Variants in FXYD3 observed in about 807,000 individuals in gnomAD.
The protein encoded by FXYD3 is FXYD domain containing ion transport regulator 3, also known as FXYD domain-containing ion transport regulator 3.
In FXYD3, 13 loss-of-function variants were observed where a neutral mutation model predicts 19.2. The ratio of observed to expected loss-of-function variants is 0.68; its 90% CI spans 0.44 to 1.08. FXYD3 has a LOEUF of 1.08. Among genes scored for constraint, FXYD3 ranks in the 50% least tolerant of loss-of-function variants. The pLI is 0.00. For synonymous variants in FXYD3, 48 were observed against 38.9 expected (o/e 1.23, Z -0.87); for missense variants, 101 against 109.4 (o/e 0.92, Z 0.34).
rs1242667452 is a variant in FXYD3, at chr19:35,124,077, C to T, written c.*620C>T. ...AAGATCTTTCCAAATACCCAAATGT[C>T]CCTGCAAGCCCGTTAAATAATTCCC... On this transcript the variant is annotated 3_prime_UTR_variant, in exon 9 of 9. Transcript: ENST00000604404. The T allele has an allele frequency of 6.5e-6, 1 of 154,952 alleles. No homozygotes were observed. Among genetic ancestry groups the T allele is most frequent in the Non-Finnish European group, 1.4e-5 (1 of 69,654 alleles). 9.6% of individuals were successfully genotyped at this position (154,952 alleles called of 1,614,324 possible). A position where few individuals can be genotyped will look rare whatever the true frequency, so the allele number is the denominator to read the frequency against.
chr19:35,123,165 T>A (rs752309175), intron 7 of FXYD3, 106 bp from the exon 8 acceptor site: 9 of 1,504,466 alleles, frequency 6.0e-6, no homozygotes, highest in Non-Finnish European at 8.0e-6. Flanking sequence ...ACCCCCCAAA[T>A]GGAAAGGCAG....
intron 5 of FXYD3, 104 bp from the exon 6 acceptor site, chr19:35,122,661 C>T: frequency 1.1e-6 from 1 of 917,798 alleles, no homozygotes; most frequent in Non-Finnish European, 1.7e-6. Flanking sequence ...GTGTCCCCAG[C>T]ACCCTGTGCA....
chr19:35,116,348 T>G lies in FXYD3; in HGVS notation c.-26T>G, dbSNP rs574131939. 2.0e-6 allele frequency: 2 copies of G among 985,496 alleles called. No individual in the cohort carries two copies. The highest frequency in any genetic ancestry group is 6.1e-5 in the Admixed American group (1 of 16,296). 61.0% of individuals were successfully genotyped at this position (985,496 alleles called of 1,614,324 possible). On this transcript the variant is annotated 5_prime_UTR_variant, in exon 2 of 9. Coordinates refer to ENST00000604404, the MANE Select transcript of FXYD3 (RefSeq NM_005971.4). ...CTCCCGGAACCTCTGCTCAGCCTGGTGAACCACACAGGTGAGCAGCTGGGG... is the reference window on the plus strand; with the variant it reads ...CTCCCGGAACCTCTGCTCAGCCTGGGGAACCACACAGGTGAGCAGCTGGGG...
chr19:35,119,513 A>G, intron 3 of FXYD3, 97 bp downstream of exon 3: 2 of 1,153,426 alleles, frequency 1.7e-6, no homozygotes, highest in Non-Finnish European at 2.6e-6. Flanking sequence ...CTCCCCGGGA[A>G]GGTGGTAAAT....
rs977176375 is a variant in FXYD3 at position 35,123,647 on chromosome 19, C to T, written c.*190C>T. ...TTTTTTTTAATCTAAAATGATTGTGCCTCTGCCCAAGCAGCCTGGAGACTT... is the reference window on the plus strand; with the variant it reads ...TTTTTTTTAATCTAAAATGATTGTGTCTCTGCCCAAGCAGCCTGGAGACTT... On this transcript the variant is annotated 3_prime_UTR_variant, in exon 9 of 9. Coordinates refer to ENST00000604404, the MANE Select transcript of FXYD3 (RefSeq NM_005971.4). The T allele has an allele frequency of 7.1e-5, 45 of 635,232 alleles. No homozygotes were observed. Among genetic ancestry groups the T allele is most frequent in the African/African-American group, 1.6e-4 (9 of 54,660 alleles). 39.3% of individuals were successfully genotyped at this position (635,232 alleles called of 1,614,324 possible). A position where few individuals can be genotyped will look rare whatever the true frequency, so the allele number is the denominator to read the frequency against.
chr19:35,116,579 G>A, intron 2 of FXYD3: 2 of 985,370 alleles, frequency 2.0e-6, no homozygotes, highest in East Asian at 1.1e-4. Flanking sequence ...AACCAGCTGA[G>A]GTGAGGGCAG....
rs1252217852 is a variant in FXYD3 at position 35,116,377 on chromosome 19, C to G, written c.-15+18C>G. The G allele has an allele frequency of 1.0e-6, 1 of 985,432 alleles. No homozygotes were observed. The highest frequency in any genetic ancestry group is 1.2e-6 in the Non-Finnish European group (1 of 830,008). The allele number at this position is 985,432 out of a possible 1,614,324, so 61.0% of individuals were successfully genotyped here. A position where few individuals can be genotyped will look rare whatever the true frequency, so the allele number is the denominator to read the frequency against. ...CCACACAGGTGAGCAGCTGGGGCCCCTTCCTCCAAGCCCTCCTTGTCTCTG... is the reference window on the plus strand; with the variant it reads ...CCACACAGGTGAGCAGCTGGGGCCCGTTCCTCCAAGCCCTCCTTGTCTCTG... On this transcript the variant is annotated intron_variant, in intron 2 of 8. Transcript: ENST00000604404.
intron 2 of FXYD3, chr19:35,116,824 G>A (rs891147176): frequency 3.0e-6 from 3 of 985,402 alleles, no homozygotes; most frequent in East Asian, 1.1e-4. Context: ...GGGTGGACTC[G>A]GGGTGTCCAG....
At chr19:35,121,385 CCA>C in intron 5 of FXYD3, 140 bp downstream of exon 5, 1 of 1,596,524 alleles carries the variant, frequency 6.3e-7, no homozygotes, top group South Asian at 1.1e-5. Flanking sequence ...ACTGAATATG[CCA>C]CACAGTGGAT....
intron 2 of FXYD3, chr19:35,117,129 C>CA: frequency 7.5e-7 from 1 of 1,326,942 alleles, no homozygotes; most frequent in Non-Finnish European, 9.6e-7. Flanking sequence ...ACCTGCTCAC[C>CA]AACCACATCA....
chr19:35,117,144 G>T (rs934749228), intron 2 of FXYD3: 2 of 1,341,810 alleles, frequency 1.5e-6, no homozygotes, highest in Non-Finnish European at 1.9e-6. Flanking sequence ...ACATCAGTTC[G>T]GGAGCAGCCC....
chr19:35,117,000 G>GA lies in FXYD3; in HGVS notation c.-15+642dup, dbSNP rs1227742295. 8 of 985,296 alleles carry GA rather than the reference G, an allele frequency of 8.1e-6. No homozygotes were observed. The African/African-American group carries it at 1.4e-4, about 17-fold the overall frequency. The allele number at this position is 985,296 out of a possible 1,614,324, so 61.0% of individuals were successfully genotyped here. On this transcript the variant is annotated intron_variant, in intron 2 of 8. Coordinates refer to ENST00000604404, the MANE Select transcript of FXYD3 (RefSeq NM_005971.4). ...CATTCTCCCATGGTATGGAGGAATA[G>GA]AGGGGATAGCAGAGGGCAGGTGGGG...
chr19:35,119,653 G>T (rs1600447631), intron 3 of FXYD3: 2 of 40,178 alleles, frequency 5.0e-5, no homozygotes, highest in Non-Finnish European at 1.2e-4. Flanking sequence ...CTTTTTTTTT[G>T]GCTTTTTTTG....
Position 35,121,203 on chromosome 19 carries a change from C to CT in FXYD3, c.74-13dup. The CT allele has an allele frequency of 6.2e-7, 1 of 1,614,108 alleles. No homozygotes were observed. Among genetic ancestry groups the CT allele is most frequent in the East Asian group, 2.2e-5 (1 of 44,882 alleles). On this transcript the variant is annotated intron_variant, in intron 4 of 8. Transcript: ENST00000604404. Reference sequence around the variant, plus strand: ...CTGGCTGTAATCCTGGATTCATGATCTTTTTTCTTTCCTTGCAGATAAAAA... The same window carrying CT: ...CTGGCTGTAATCCTGGATTCATGATCTTTTTTTCTTTCCTTGCAGATAAAAA...
chr19:35,116,641 G>A (rs1211816955), intron 2 of FXYD3: 1 of 985,132 alleles, frequency 1.0e-6, no homozygotes, highest in Admixed American at 6.2e-5. Context: ...GCATGGATTA[G>A]GGATATCTGG....
At chr19:35,121,173 G>A in intron 4 of FXYD3, 49 bp from the exon 5 acceptor site, 1 of 1,614,100 alleles carries the variant, frequency 6.2e-7, no homozygotes, top group Non-Finnish European at 8.5e-7. Flanking sequence ...GGGAAGGCCT[G>A]CATCCTGGCT....
intron 2 of FXYD3, among the ~76,000 whole-genome samples, chr19:35,117,593 A>G (rs968755293): frequency 6.6e-6 from 1 of 151,794 alleles, no homozygotes; most frequent in Non-Finnish European, 1.5e-5. Flanking sequence ...GTCATGGGTG[A>G]CAGCTTCAGA....
chr19:35,118,477 C>T (rs1188488354), intron 2 of FXYD3: 2 of 988,348 alleles, frequency 2.0e-6, no homozygotes, highest in African/African-American at 3.5e-5. Context: ...GCCTTGCAGG[C>T]TGGTGAGAGG....
chr19:35,123,045 G>C, intron 7 of FXYD3, 91 bp downstream of exon 7: 1 of 1,482,780 alleles, frequency 6.7e-7, no homozygotes, highest in Non-Finnish European at 8.9e-7. Context: ...AGGCCTCGGG[G>C]CTCTGCCCTT....
Sources: allele counts gnomAD v4.1 joint callset (sites outside exome capture counted in the v4.1 genomes callset), GRCh38; gene constraint gnomAD v4.1.1; transcripts MANE v1.5; gene names NCBI Gene and HGNC (gene_info 2026-07-23, HGNC 2026-07-21).